VRK2: variants seen among roughly 807,000 people sequenced by gnomAD.
The protein encoded by VRK2 is VRK serine/threonine kinase 2.
In VRK2, 60 loss-of-function variants were observed where a neutral mutation model predicts 57.6. The observed-to-expected ratio is 1.04, with a 90% CI of 0.85 to 1.29. The LOEUF (loss-of-function observed/expected upper bound fraction) is 1.29, where lower values mean the gene tolerates loss of function less well. VRK2 is among the 50% of genes most tolerant of loss of function. VRK2 has a pLI of 0.00. For synonymous variants in VRK2, 231 were observed against 199.2 expected, an observed-to-expected ratio of 1.16 and a Z score of -1.35; for missense variants, 705 against 588.1, an observed-to-expected ratio of 1.20 and a Z score of -2.06.
intron 12 of VRK2, among the ~76,000 whole-genome samples, chr2:58,154,985 T>G (rs1573442638): frequency 6.6e-6 from 1 of 152,310 alleles, no homozygotes; most frequent in Admixed American, 6.5e-5. Flanking sequence ...TGATTTCTAG[T>G]TTAATTATAT....
intron 7 of VRK2, among the ~76,000 whole-genome samples, chr2:58,101,757 A>G (rs1253558124): frequency 6.6e-6 from 1 of 151,242 alleles, no homozygotes; most frequent in African/African-American, 2.4e-5. Flanking sequence ...CTGGTGTAGA[A>G]CCAGGTGAAT....
intron 1 of VRK2, among the ~76,000 whole-genome samples, chr2:57,918,987 G>C (rs1670246503): frequency 6.6e-6 from 1 of 152,102 alleles, no homozygotes; most frequent in Non-Finnish European, 1.5e-5. Context: ...TTGAATGTGG[G>C]CTGTAAGAAT....
intron 7 of VRK2, 135 bp downstream of exon 7, chr2:58,089,858 T>C: frequency 1.6e-6 from 1 of 615,186 alleles, no homozygotes; most frequent in Non-Finnish European, 2.9e-6. Context: ...TCTTACCTGC[T>C]TATCTAATTT....
rs1424903091 is a variant in VRK2 at position 58,155,389 on chromosome 2, C to T, written c.1183-3960C>T. Among the ~76,000 whole-genome samples, 5 of 152,098 alleles carry T rather than the reference C, an allele frequency of 3.3e-5. No individual in the cohort carries two copies. The East Asian group carries it at 7.7e-4, about 23-fold the overall frequency. ...GGAGAAGGTTGGTAGCTCTCTACTA[C>T]GGTCTCTACAGTGTCTGGTGGGGAG... is the stretch of plus-strand genomic sequence containing the variant. On this transcript the variant is annotated intron_variant, in intron 12 of 12. Coordinates refer to ENST00000340157, the MANE Select transcript of VRK2 (RefSeq NM_006296.7).
At chr2:57,912,260 C>T (rs1219688585) in intron 1 of VRK2, among the ~76,000 whole-genome samples, 2 of 152,178 alleles carry the variant, frequency 1.3e-5, no homozygotes, top group Non-Finnish European at 2.9e-5. Flanking sequence ...AGTGAACAAG[C>T]CATGTGTCTT....
At chr2:57,955,229 T>A (rs1427630455) in intron 1 of VRK2, among the ~76,000 whole-genome samples, 2 of 152,164 alleles carry the variant, frequency 1.3e-5, no homozygotes, top group East Asian at 3.9e-4. Context: ...TACCACATAA[T>A]GCAATCTTCA....
rs71394403 is a variant in VRK2 at position 57,933,309 on chromosome 2, C to CTTTTTTTTTTTTTTTTTTTTTTTTT, written c.-439+25492_-439+25493insTTTTTTTTTTTTTTTTTTTTTTTTT. Among the ~76,000 whole-genome samples the CTTTTTTTTTTTTTTTTTTTTTTTTT allele has an allele frequency of 2.8e-4, 18 of 63,318 alleles. 2 individuals are homozygous for CTTTTTTTTTTTTTTTTTTTTTTTTT. Among genetic ancestry groups the CTTTTTTTTTTTTTTTTTTTTTTTTT allele is most frequent in the Admixed American group, 9.1e-4 (4 of 4,392 alleles). The allele number at this position is 63,318 out of a possible 152,430, so 41.5% of individuals were successfully genotyped here. A position where few individuals can be genotyped will look rare whatever the true frequency, so the allele number is the denominator to read the frequency against. On this transcript the variant is annotated intron_variant, in intron 1 of 15. Coordinates refer to the VRK2 transcript ENST00000417641. ...TGCTATTTCTTATTTCTTTCTTTTT[C>CTTTTTTTTTTTTTTTTTTTTTTTTT]TTTTTTTTTTTTTTTTTTTTTTGAG...
chr2:58,095,293 C>CAAAAAAAAAAAA (rs1231159019), intron 7 of VRK2, among the ~76,000 whole-genome samples: 2 of 66,614 alleles, frequency 3.0e-5, no homozygotes, highest in African/African-American at 1.1e-4. Context: ...GACTCCGTCT[C>CAAAAAAAAAAAA]AAAAAAAAAA....
At chr2:58,112,925 G>A (rs1380935611) in intron 7 of VRK2, among the ~76,000 whole-genome samples, 1 of 152,176 alleles carries the variant, frequency 6.6e-6, no homozygotes, top group Non-Finnish European at 1.5e-5. Flanking sequence ...ATAAAAGCCT[G>A]TCTGGGTGTG....
chr2:57,985,196 C>T (rs1672558169), intron 1 of VRK2, among the ~76,000 whole-genome samples: 1 of 151,890 alleles, frequency 6.6e-6, no homozygotes, highest in South Asian at 2.1e-4. Context: ...TGGATTTCTG[C>T]AATTCACTAA....
chr2:57,933,660 G>A (rs893772565), intron 1 of VRK2, among the ~76,000 whole-genome samples: 1 of 78,800 alleles, frequency 1.3e-5, no homozygotes, highest in Non-Finnish European at 2.3e-5. Context: ...GAGTTTTTGG[G>A]TTGTTTTTTT....
At chr2:57,967,925 A>T (rs1671973167) in intron 1 of VRK2, among the ~76,000 whole-genome samples, 1 of 152,156 alleles carries the variant, frequency 6.6e-6, no homozygotes, top group African/African-American at 2.4e-5. Context: ...AACAACAAAT[A>T]CAAAACTTAG....
chr2:58,046,931 G>C (rs906176745), intron 1 of VRK2, 63 bp downstream of exon 1: 34 of 985,556 alleles, frequency 3.4e-5, no homozygotes, highest in Non-Finnish European at 4.0e-5. Context: ...TGCCGGAGCC[G>C]CGGCCCCGCT....
intron 2 of VRK2, among the ~76,000 whole-genome samples, chr2:58,067,059 T>C (rs536947324): frequency 3.9e-5 from 6 of 152,220 alleles, no homozygotes; most frequent in Admixed American, 3.9e-4. Context: ...ACTTGCTGAG[T>C]GTTCCAACCC....
chr2:57,970,109 T>C (rs1572919250), intron 1 of VRK2, among the ~76,000 whole-genome samples: 1 of 149,640 alleles, frequency 6.7e-6, no homozygotes, highest in East Asian at 1.9e-4. Flanking sequence ...TATATTTATA[T>C]ACACAGAATG....
At chr2:58,148,315 A>G (rs1682472714) in intron 12 of VRK2, among the ~76,000 whole-genome samples, 1 of 151,692 alleles carries the variant, frequency 6.6e-6, no homozygotes, top group Non-Finnish European at 1.5e-5. Flanking sequence ...CTGACCTTTC[A>G]TATATCTGTT....
upstream of VRK2, chr2:58,046,383 C>T: frequency 1.6e-6 from 1 of 634,058 alleles, no homozygotes; most frequent in Non-Finnish European, 2.0e-6. Context: ...GCCCTCCTAA[C>T]TGGAGTCTTC....
chr2:57,956,156 G>A (rs1249600001), intron 1 of VRK2, among the ~76,000 whole-genome samples: 1 of 152,166 alleles, frequency 6.6e-6, no homozygotes, highest in Non-Finnish European at 1.5e-5. Context: ...AAAGGACGGA[G>A]GATTGCTTGA....
chr2:57,958,329 G>C (rs780229075), intron 1 of VRK2, among the ~76,000 whole-genome samples: 1 of 151,834 alleles, frequency 6.6e-6, no homozygotes, highest in African/African-American at 2.4e-5. Context: ...GTCTACATGA[G>C]CTTCTTCTAA....
Sources: allele counts gnomAD v4.1 joint callset (sites outside exome capture counted in the v4.1 genomes callset), GRCh38; gene constraint gnomAD v4.1.1; transcripts MANE v1.5; gene names NCBI Gene and HGNC (gene_info 2026-07-23, HGNC 2026-07-21).